Variants in TEX11 observed in about 807,000 individuals in gnomAD.
TEX11 encodes the protein testis-expressed protein 11.
A neutral mutation model predicts 84.4 loss-of-function variants in TEX11; 7 were observed. The ratio of observed to expected loss-of-function variants is 0.08; its 90% confidence interval spans 0.05 to 0.16. TEX11 has a LOEUF of 0.16. Among genes scored for constraint, TEX11 ranks in the 10% least tolerant of loss-of-function variants. The pLI, the probability that TEX11 is intolerant of heterozygous loss-of-function variation, is 1.00. For synonymous variants in TEX11, 264 were observed against 222.8 expected (o/e 1.18, Z -1.64); for missense variants, 551 against 660.5 (o/e 0.83, Z 1.82).
chrX:70,573,537 T>C (rs1457044160), intron 25 of TEX11, among the ~76,000 whole-genome samples: 2 of 111,452 alleles, frequency 1.8e-5, no homozygotes, highest in African/African-American at 6.5e-5. Flanking sequence ...TTCTTTTGGC[T>C]GATCTCAAAA....
At position 70,731,867 on chromosome X, in the gene TEX11, C is replaced by A. The variant is rs185892585; in HGVS notation, c.844-6524G>T. Among the ~76,000 whole-genome samples, 151 of 111,413 alleles carry A rather than the reference C, an allele frequency of 1.4e-3. 1 individual carries two copies. Among genetic ancestry groups the A allele is most frequent in the Non-Finnish European group, 2.2e-3 (115 of 53,073 alleles). ...CACAACCAAAAAAGAGAATTTTAGA[C>A]CAATATCCCTGATGAACATTGATGC... On this transcript the variant is annotated intron_variant, in intron 11 of 29. Coordinates refer to ENST00000374333, the MANE Select transcript of TEX11 (RefSeq NM_031276.3).
intron 28 of TEX11, among the ~76,000 whole-genome samples, chrX:70,532,936 G>C (rs1342514620): frequency 9.0e-6 from 1 of 110,719 alleles, no homozygotes; most frequent in Admixed American, 9.7e-5. Flanking sequence ...TACTCGGAAG[G>C]CTGAGGCAGG....
intron 8 of TEX11, among the ~76,000 whole-genome samples, chrX:70,812,589 A>G (rs1440878770): frequency 2.3e-4 from 26 of 111,142 alleles, no homozygotes; most frequent in East Asian, 2.8e-4. Context: ...TCCCAGCACC[A>G]TTTATTAAAT....
At chrX:70,734,420 T>C (rs181789774) in intron 11 of TEX11, among the ~76,000 whole-genome samples, 313 of 111,660 alleles carry the variant, frequency 2.8e-3, no homozygotes, top group Middle Eastern at 0.014. Context: ...ATGTGTAAAA[T>C]AATTATTATT....
chrX:70,635,994 C>A (rs2089567861), intron 17 of TEX11, among the ~76,000 whole-genome samples: 2 of 111,580 alleles, frequency 1.8e-5, no homozygotes, highest in African/African-American at 6.5e-5. Flanking sequence ...GACCAAGGGT[C>A]CAAGCCAATT....
chrX:70,731,920 T>A (rs1173357171), intron 11 of TEX11, among the ~76,000 whole-genome samples: 1 of 111,455 alleles, frequency 9.0e-6, no homozygotes, highest in Non-Finnish European at 1.9e-5. Flanking sequence ...TACTGGCAAA[T>A]TGAATTCAGC....
At chrX:70,664,614 C>T (rs1304670194) in intron 16 of TEX11, among the ~76,000 whole-genome samples, 1 of 110,777 alleles carries the variant, frequency 9.0e-6, no homozygotes, top group Non-Finnish European at 1.9e-5. Context: ...AATATTGTTT[C>T]TGCATTAATA....
chrX:70,895,335 AAGG>A (rs2091760995), intron 2 of TEX11, among the ~76,000 whole-genome samples: 1 of 111,759 alleles, frequency 8.9e-6, no homozygotes, highest in Non-Finnish European at 1.9e-5. Flanking sequence ...GGATCTCTTC[AAGG>A]AGAACTACAA....
intron 11 of TEX11, among the ~76,000 whole-genome samples, chrX:70,730,876 A>G (rs1420816856): frequency 1.8e-5 from 2 of 111,937 alleles, no homozygotes; most frequent in African/African-American, 6.5e-5. Flanking sequence ...CACCACACCT[A>G]TTCCAAAATT....
chrX:70,601,534 C>CTTTTTTTTTTTTTT (rs1182961993), intron 24 of TEX11, among the ~76,000 whole-genome samples: 1 of 63,401 alleles, frequency 1.6e-5, no homozygotes, highest in Non-Finnish European at 2.7e-5. Flanking sequence ...CAGCATCATT[C>CTTTTTTTTTTTTTT]TTTTTTTTTT....
chrX:70,546,009 G>A (rs1320852778), intron 28 of TEX11, among the ~76,000 whole-genome samples: 3 of 111,895 alleles, frequency 2.7e-5, no homozygotes, highest in Admixed American at 9.5e-5. Flanking sequence ...TGTTCTTAAT[G>A]TTTTATAGCT....
chrX:70,569,539 A>C (rs1277659874), intron 25 of TEX11, among the ~76,000 whole-genome samples: 1 of 110,562 alleles, frequency 9.0e-6, no homozygotes. Context: ...TTGTGGTTTT[A>C]TCTACTTTTG....
intron 2 of TEX11, among the ~76,000 whole-genome samples, chrX:70,900,850 A>G (rs925727413): frequency 7.2e-5 from 8 of 111,054 alleles, no homozygotes; most frequent in Admixed American, 3.9e-4. Context: ...AGGCTGAAGC[A>G]CAAGAATTGC....
At chrX:70,629,572 A>C in intron 18 of TEX11, 39 bp downstream of exon 18, 1 of 1,190,875 alleles carries the variant, frequency 8.4e-7, no homozygotes, top group Non-Finnish European at 1.1e-6. Flanking sequence ...CAAAAAGGAA[A>C]AGGGATAAAA....
chrX:70,783,804 T>A (rs2091058750), intron 9 of TEX11, among the ~76,000 whole-genome samples: 1 of 111,422 alleles, frequency 9.0e-6, no homozygotes, highest in Non-Finnish European at 1.9e-5. Context: ...AATAGGTGAA[T>A]AACAGGTTCT....
intron 24 of TEX11, among the ~76,000 whole-genome samples, chrX:70,602,522 C>G (rs1477928829): frequency 9.4e-6 from 1 of 106,059 alleles, no homozygotes; most frequent in Non-Finnish European, 1.9e-5. Context: ...TAAAAACTCT[C>G]AATAAATTAG....
At chrX:70,624,713 C>T in intron 19 of TEX11, 126 bp downstream of exon 19, 2 of 463,351 alleles carry the variant, frequency 4.3e-6, no homozygotes, top group Non-Finnish European at 7.1e-6. Context: ...CCAACCTCAC[C>T]CTCCTCTGCT....
At chrX:70,574,881 C>A (rs1261022719) in intron 25 of TEX11, among the ~76,000 whole-genome samples, 1 of 110,658 alleles carries the variant, frequency 9.0e-6, no homozygotes, top group African/African-American at 3.3e-5. Context: ...ATATCTAGGA[C>A]AAGAGTGTCC....
intron 9 of TEX11, among the ~76,000 whole-genome samples, chrX:70,751,817 A>G (rs920782204): frequency 8.9e-6 from 1 of 112,235 alleles, no homozygotes; most frequent in Non-Finnish European, 1.9e-5. Flanking sequence ...AAGTGACACT[A>G]GAGAATAATT....
Sources: gnomAD v4.1 joint callset for allele counts (sites outside exome capture counted in the v4.1 genomes callset) on GRCh38, gnomAD v4.1.1 for gene constraint, MANE v1.5 for transcripts, NCBI Gene and HGNC (gene_info 2026-07-23, HGNC 2026-07-21) for gene names.